The following UNG variants were observed in gnomAD, a reference collection of about 807,000 sequenced individuals.
The protein encoded by UNG is uracil-DNA glycosylase.
A neutral mutation model predicts 36.5 loss-of-function variants in UNG; 34 were observed. The ratio of observed to expected loss-of-function variants is 0.93; its 90% CI spans 0.71 to 1.24. The LOEUF (loss-of-function observed/expected upper bound fraction) is 1.24, where lower values mean the gene tolerates loss of function less well. Among genes scored for constraint, UNG ranks in the 50% most tolerant of loss-of-function variants. The pLI, the probability that UNG is intolerant of heterozygous loss-of-function variation, is 0.00. For synonymous variants in UNG, 172 were observed against 157.8 expected (o/e 1.09, Z -0.67); for missense variants, 391 against 397.6 (o/e 0.98, Z 0.14).
At position 109,102,226 on chromosome 12, in the gene UNG, G is replaced by A. The variant is rs564258197; in HGVS notation, c.533+227G>A. ...TGCCACATCCCTGGCCTCTACCACTGGAAACCAGGAGCAACCCCCAGCTCG... is the reference window on the plus strand; with the variant it reads ...TGCCACATCCCTGGCCTCTACCACTAGAAACCAGGAGCAACCCCCAGCTCG... On this transcript the variant is annotated intron_variant, in intron 4 of 6. Transcript: ENST00000242576. Among the ~76,000 whole-genome samples, 95 of 152,270 alleles carry A rather than the reference G, an allele frequency of 6.2e-4. 1 individual carries two copies. Among genetic ancestry groups the A allele is most frequent in the African/African-American group, 2.2e-3 (90 of 41,564 alleles).
Position 109,098,170 on chromosome 12 carries a change from CTG to C in UNG, c.133-259_133-258del, listed in dbSNP as rs973254062. On this transcript the variant is annotated intron_variant, in intron 1 of 6. Transcript: ENST00000242576. ...CGGGTCTGGCGGGGGCGGGGCACCT[CTG>C]TGCAGGGTTCCCAGTCACCGCGACG... 12 of 1,412,416 alleles carry C rather than the reference CTG, an allele frequency of 8.5e-6. No homozygotes were observed. In the Admixed American group the frequency reaches 2.4e-4, roughly 28 times the overall value. 87.5% of individuals were successfully genotyped at this position (1,412,416 alleles called of 1,614,324 possible). A position where few individuals can be genotyped will look rare whatever the true frequency, so the allele number is the denominator to read the frequency against.
In UNG at chr12:109,102,030, A is replaced by G. The variant is rs778861991; in HGVS notation, c.533+31A>G. The G allele has an allele frequency of 1.3e-5, 20 of 1,586,474 alleles. No individual in the cohort carries two copies. The Admixed American group carries it at 2.3e-4, about 19-fold the overall frequency. The stretch of plus-strand genomic sequence containing the variant: ...GTTGCTTTACAGGTGACTGCAGTCC[A>G]GACATGATTCCTTTCAGATGTGTAC... On this transcript the variant is annotated intron_variant, in intron 4 of 6. Transcript: ENST00000242576.
At chr12:109,100,862 A>C (rs1430818064) in intron 3 of UNG, among the ~76,000 whole-genome samples, 1 of 152,200 alleles carries the variant, frequency 6.6e-6, no homozygotes, top group African/African-American at 2.4e-5. Flanking sequence ...CTGTGGAGGA[A>C]GATTCTAAGA....
At chr12:109,100,066 CA>C (rs924812321) in intron 3 of UNG, among the ~76,000 whole-genome samples, 12 of 147,560 alleles carry the variant, frequency 8.1e-5, no homozygotes, top group African/African-American at 1.2e-4. Context: ...TGTCTCAAAA[CA>C]AAAAAAAAAC....
chr12:109,108,911 T>G (rs909670241), intron 6 of UNG, among the ~76,000 whole-genome samples: 5 of 152,166 alleles, frequency 3.3e-5, no homozygotes, highest in African/African-American at 1.2e-4. Context: ...GGATTACAGG[T>G]GTAAGCCACC....
In UNG at chr12:109,098,602, C is replaced by G. The variant is rs763266989; in HGVS notation, c.303C>G (p.His101Gln). 6.2e-7 allele frequency: 1 copy of G among 1,613,538 alleles called. No homozygotes were observed. Among genetic ancestry groups the G allele is most frequent in the East Asian group, 2.2e-5 (1 of 44,886 alleles). ...PVGFGESWKK[H>Q]LSGEFGKPYF... ...GCTTTGGAGAGAGCTGGAAGAAGCACCTCAGCGGGGAGTTCGGGAAACCGT... is the reference window on the plus strand; with the variant it reads ...GCTTTGGAGAGAGCTGGAAGAAGCAGCTCAGCGGGGAGTTCGGGAAACCGT... Residue 101 changes from histidine to glutamine, a missense_variant, in exon 2 of 7, where the codon CAC becomes CAG. Transcript: ENST00000242576.
At position 109,103,498 on chromosome 12, in the gene UNG, G is replaced by A; in HGVS notation, c.688G>A (p.Gly230Ser). The A allele has an allele frequency of 6.2e-7, 1 of 1,614,220 alleles. No individual in the cohort carries two copies. Among genetic ancestry groups the A allele is most frequent in the African/African-American group, 1.3e-5 (1 of 75,054 alleles). Residue 230 changes from glycine to serine, a missense_variant, in exon 6 of 7, where the codon GGC (glycine) becomes AGC (serine). Gly to Ser is a moderately conservative substitution (Grantham distance 56). Coordinates refer to ENST00000242576, the MANE Select transcript of UNG (RefSeq NM_080911.3). Reference protein sequence around the residue: ...AHQANSHKERGWEQFTDAVVS... With the variant: ...AHQANSHKERSWEQFTDAVVS... ...TCAAGCCAACTCTCATAAGGAGCGA[G>A]GCTGGGAGCAGTTCACTGATGCAGT...
intron 6 of UNG, among the ~76,000 whole-genome samples, chr12:109,107,811 C>T (rs1228062799): frequency 6.6e-6 from 1 of 152,050 alleles, no homozygotes; most frequent in Non-Finnish European, 1.5e-5. Context: ...AGGTGTGAGC[C>T]ACCACGCCCG....
intron 1 of UNG, 146 bp downstream of exon 1, chr12:109,097,957 C>A: frequency 7.8e-7 from 1 of 1,286,576 alleles, no homozygotes; most frequent in South Asian, 1.6e-5. Context: ...TCAAAATAGC[C>A]GCCGCTGTCC....
intron 6 of UNG, among the ~76,000 whole-genome samples, chr12:109,106,875 A>C (rs1457794332): frequency 3.4e-5 from 2 of 59,102 alleles, no homozygotes; most frequent in Non-Finnish European, 6.5e-5. Context: ...CAAAAAAAAA[A>C]CATATATATA....
chr12:109,099,487 CTA>C, intron 3 of UNG: 3 of 591,914 alleles, frequency 5.1e-6, no homozygotes, highest in Non-Finnish European at 6.0e-6. Flanking sequence ...AAAAGGAAAA[CTA>C]TGTACATCCT....
At chr12:109,101,152 G>A (rs1241472264) in intron 3 of UNG, among the ~76,000 whole-genome samples, 3 of 124,928 alleles carry the variant, frequency 2.4e-5, no homozygotes, top group African/African-American at 9.2e-5. Context: ...GAGTGCAGTG[G>A]TGCAATCTCG....
rs142954123 is a variant in UNG at position 109,110,561 on chromosome 12, G to A, written c.*592G>A. The A allele has an allele frequency of 6.4e-6, 1 of 156,002 alleles. No individual in the cohort carries two copies. Among genetic ancestry groups the A allele is most frequent in the East Asian group, 1.9e-4 (1 of 5,374 alleles). 9.7% of individuals were successfully genotyped at this position (156,002 alleles called of 1,614,324 possible). On this transcript the variant is annotated 3_prime_UTR_variant, in exon 7 of 7. Transcript: ENST00000242576. ...GTAGTAGAGGTTAAGATTGCTGTGA[G>A]CTTTATCAGATAAGAGACCGAGAGA...
rs148037258 is a variant in UNG at position 109,101,988 on chromosome 12, G to A, written c.522G>A (p.Pro174=). The A allele has an allele frequency of 4.3e-5, 70 of 1,613,842 alleles. 1 individual carries two copies. In the African/African-American group the frequency reaches 6.7e-4, roughly 15 times the overall value. Residue 174 remains proline, a synonymous_variant, in exon 4 of 7, where the codon CCG becomes CCA. Coordinates refer to ENST00000242576, the MANE Select transcript of UNG (RefSeq NM_080911.3). The stretch of plus-strand genomic sequence containing the variant: ...GCTTTAGTGTTCAAAGGCCTGTTCC[G>A]CCTCCGCCCAGGTACAGTTGCTTTA... The part of the protein sequence containing the change: ...GLCFSVQRPV[P]PPPSLENIYK...
At position 109,103,465 on chromosome 12, in the gene UNG, C is replaced by T. The variant is rs751428587; in HGVS notation, c.655C>T (p.Arg219Cys). ...CCTTCTCAACGCTGTCCTCACGGTTCGTGCCCATCAAGCCAACTCTCATAA... is the reference window on the plus strand; with the variant it reads ...CCTTCTCAACGCTGTCCTCACGGTTTGTGCCCATCAAGCCAACTCTCATAA... ...VLLLNAVLTVRAHQANSHKER... is the reference protein window; with the variant it reads ...VLLLNAVLTVCAHQANSHKER... The change falls in exon 6 of 7, where the codon CGT becomes TGT. Residue 219 changes from arginine to cysteine, a missense_variant. By Grantham distance (180) the Arg-to-Cys change is radical. Transcript: ENST00000242576. 9.9e-6 allele frequency: 16 copies of T among 1,614,120 alleles called. No individual in the cohort carries two copies. Among genetic ancestry groups the T allele is most frequent in the South Asian group, 4.4e-5 (4 of 91,066 alleles).
At chr12:109,103,257 C>G (rs926569237) in intron 5 of UNG, among the ~76,000 whole-genome samples, 176 bp from the exon 6 acceptor site, 46 of 152,268 alleles carry the variant, frequency 3.0e-4, no homozygotes, top group Middle Eastern at 3.4e-3. Flanking sequence ...CGCCCAGCCC[C>G]GACTCCATTG....
chr12:109,110,231 A>G lies in UNG; in HGVS notation c.*262A>G. On this transcript the variant is annotated 3_prime_UTR_variant, in exon 7 of 7. Transcript: ENST00000242576. ...AGAAGACAGATGAGGTCAAATACTC[A>G]GTTGGCTCTCTTTATCTCCCTTGCC... 1.9e-6 allele frequency: 1 copy of G among 513,154 alleles called. No homozygotes were observed. The highest frequency in any genetic ancestry group is 3.5e-6 in the Non-Finnish European group (1 of 284,438). The allele number at this position is 513,154 out of a possible 1,614,324, so 31.8% of individuals were successfully genotyped here.
At position 109,109,710 on chromosome 12, in the gene UNG, G is replaced by A. The variant is rs1260585678; in HGVS notation, c.802-119G>A. The stretch of plus-strand genomic sequence containing the variant: ...AGGCAGGAGAATCGCTTGAACCCGG[G>A]AGGCGGAGGTTGCAGTGAGTCGAGA... On this transcript the variant is annotated intron_variant, in intron 6 of 6. Coordinates refer to ENST00000242576, the MANE Select transcript of UNG (RefSeq NM_080911.3). The A allele has an allele frequency of 8.6e-6, 11 of 1,273,972 alleles. No individual in the cohort carries two copies. In the African/African-American group the frequency reaches 1.7e-4, roughly 20 times the overall value. 78.9% of individuals were successfully genotyped at this position (1,273,972 alleles called of 1,614,324 possible). A position where few individuals can be genotyped will look rare whatever the true frequency, so the allele number is the denominator to read the frequency against.
Position 109,103,479 on chromosome 12 carries a change from C to A in UNG, c.669C>A (p.Ala223=). ...TCCTCACGGTTCGTGCCCATCAAGC[C>A]AACTCTCATAAGGAGCGAGGCTGGG... ...NAVLTVRAHQ[A]NSHKERGWEQ... is the part of the protein sequence containing the mutation. The change falls in exon 6 of 7, where the codon GCC becomes GCA. Residue 223 remains alanine, a synonymous_variant. Transcript: ENST00000242576. 6.2e-7 allele frequency: 1 copy of A among 1,614,190 alleles called. No homozygotes were observed.
Sources: gnomAD v4.1 joint callset for allele counts (sites outside exome capture counted in the v4.1 genomes callset) on GRCh38, gnomAD v4.1.1 for gene constraint, MANE v1.5 for transcripts, NCBI Gene and HGNC (gene_info 2026-07-23, HGNC 2026-07-21) for gene names.